The following PHACTR4 variants were observed in gnomAD, a reference collection of about 807,000 sequenced individuals.
PHACTR4 encodes phosphatase and actin regulator 4.
Under a neutral mutation model 72.7 loss-of-function variants are expected in PHACTR4, and 51 were observed. The observed-to-expected ratio is 0.70, with a 90% CI of 0.56 to 0.89. The LOEUF (loss-of-function observed/expected upper bound fraction) is 0.89, where lower values mean the gene tolerates loss of function less well. PHACTR4 is among the 40% of genes least tolerant of loss of function. The probability of loss-of-function intolerance (pLI) is 0.00; values close to 1 mark genes in which losing one functional copy is unlikely to be tolerated. For missense variants in PHACTR4, 731 were observed against 861.8 expected (o/e 0.85, Z 1.90); for synonymous variants, 255 against 302.5 (o/e 0.84, Z 1.63).
At chr1:28,472,601 AC>A (rs1280468253) in intron 6 of PHACTR4, among the ~76,000 whole-genome samples, 1 of 140,212 alleles carries the variant, frequency 7.1e-6, no homozygotes, top group African/African-American at 2.9e-5. Context: ...GTACTGTTAT[AC>A]AAAATAACTT....
At chr1:28,489,296 G>A in intron 10 of PHACTR4, 71 bp downstream of exon 10, 2 of 1,320,624 alleles carry the variant, frequency 1.5e-6, no homozygotes, top group South Asian at 1.3e-5. Flanking sequence ...ATACATAAAA[G>A]AAAAAAGAAG....
chr1:28,464,926 A>G (rs1570039076), intron 4 of PHACTR4, among the ~76,000 whole-genome samples: 1 of 151,424 alleles, frequency 6.6e-6, no homozygotes, highest in African/African-American at 2.4e-5. Flanking sequence ...CTGGTCTCGA[A>G]CTCTTGACCT....
intron 2 of PHACTR4, chr1:28,453,955 C>A: frequency 1.7e-6 from 1 of 601,462 alleles, no homozygotes. Context: ...GTGGCACACG[C>A]CCGTAATCTT....
chr1:28,422,144 C>A (rs1284524345), intron 2 of PHACTR4, among the ~76,000 whole-genome samples: 1 of 152,106 alleles, frequency 6.6e-6, no homozygotes, highest in Non-Finnish European at 1.5e-5. Flanking sequence ...GAATTTCCTG[C>A]CATGTTATTC....
intron 1 of PHACTR4, among the ~76,000 whole-genome samples, chr1:28,396,607 G>A (rs143606403): frequency 0.013 from 2,009 of 151,124 alleles, 31 homozygotes; most frequent in Middle Eastern, 0.062. Context: ...GCATCTGAAG[G>A]TCACTCTAGA....
intron 1 of PHACTR4, among the ~76,000 whole-genome samples, chr1:28,370,079 C>T (rs1651109946): frequency 6.6e-6 from 1 of 152,130 alleles, no homozygotes; most frequent in African/African-American, 2.4e-5. Context: ...CTCCGCCCCC[C>T]GAGACTTGGC....
intron 2 of PHACTR4, among the ~76,000 whole-genome samples, 179 bp downstream of exon 2, chr1:28,407,642 A>G (rs1242733534): frequency 6.6e-6 from 1 of 152,136 alleles, no homozygotes; most frequent in Non-Finnish European, 1.5e-5. Context: ...TAGAGTGCCA[A>G]TTACCTTTTG....
At chr1:28,381,918 C>T (rs1301987074) in intron 1 of PHACTR4, among the ~76,000 whole-genome samples, 3 of 152,126 alleles carry the variant, frequency 2.0e-5, no homozygotes, top group African/African-American at 7.2e-5. Context: ...GATGACTACA[C>T]CACCACGCCA....
intron 4 of PHACTR4, among the ~76,000 whole-genome samples, chr1:28,462,549 A>G (rs971482239): frequency 6.6e-6 from 1 of 151,594 alleles, no homozygotes; most frequent in Non-Finnish European, 1.5e-5. Flanking sequence ...TGTATTTTTA[A>G]TAGACAGGGT....
At chr1:28,466,300 A>C (rs1659162019) in intron 5 of PHACTR4, 82 bp from the exon 6 acceptor site, 2 of 1,459,456 alleles carry the variant, frequency 1.4e-6, no homozygotes, top group Admixed American at 4.3e-5. Context: ...GAAATTGGCC[A>C]CAAATTCATA....
Position 28,491,919 on chromosome 1 carries a change from C to G in PHACTR4, c.2016+132C>G, listed in dbSNP as rs41312014. The G allele has an allele frequency of 2.5e-3, 2,996 of 1,183,388 alleles. 9 individuals carry two copies. Among genetic ancestry groups the G allele is most frequent in the Non-Finnish European group, 3.2e-3 (2,760 of 872,598 alleles). The allele number at this position is 1,183,388 out of a possible 1,614,324, so 73.3% of individuals were successfully genotyped here. A position where few individuals can be genotyped will look rare whatever the true frequency, so the allele number is the denominator to read the frequency against. ...TTTAATATAATATTAAATTTCAAAT[C>G]AAGATACAAAATGCCAAGTTGAACA... On this transcript the variant is annotated intron_variant, in intron 12 of 13. Coordinates refer to ENST00000373839, the MANE Select transcript of PHACTR4 (RefSeq NM_001048183.3).
In PHACTR4 at chr1:28,460,276, G is replaced by T. The variant is rs763694229; in HGVS notation, c.255G>T (p.Leu85Phe). The T allele has an allele frequency of 6.2e-7, 1 of 1,613,286 alleles. No individual in the cohort carries two copies. The highest frequency in any genetic ancestry group is 8.5e-7 in the Non-Finnish European group (1 of 1,179,420). Residue 85 changes from leucine to phenylalanine, a missense_variant, in exon 4 of 14, where the codon TTG becomes TTT. By Grantham distance (22) the Leu-to-Phe change is conservative. This residue lies in a region of PHACTR4 where 621 missense variants were observed against 676.6 expected (regional missense o/e 0.92). Transcript: ENST00000373839. ...AGCTGGTTAAAAGAGGGGTTCTGTT[G>T]GAAGACCCTGAGCAAGGTGAGTTTA... The part of the protein sequence containing the change: ...REELVKRGVL[L>F]EDPEQGGEDP...
intron 2 of PHACTR4, among the ~76,000 whole-genome samples, chr1:28,426,951 A>G (rs1655906413): frequency 6.6e-6 from 1 of 152,190 alleles, no homozygotes; most frequent in African/African-American, 2.4e-5. Context: ...CCACTCTCCC[A>G]TGTGTAGTCA....
chr1:28,434,470 TACC>T (rs1175481687), intron 2 of PHACTR4, among the ~76,000 whole-genome samples: 2 of 151,970 alleles, frequency 1.3e-5, no homozygotes, highest in East Asian at 3.9e-4. Context: ...TACAGGCACG[TACC>T]ACCAAGCCCA....
At chr1:28,431,968 TG>T (rs1480027152) in intron 2 of PHACTR4, among the ~76,000 whole-genome samples, 1 of 151,992 alleles carries the variant, frequency 6.6e-6, no homozygotes, top group African/African-American at 2.4e-5. Context: ...CCCAGCACTT[TG>T]GGAGGCCGAA....
At chr1:28,485,494 G>A (rs1660579488) in intron 9 of PHACTR4, among the ~76,000 whole-genome samples, 2 of 151,950 alleles carry the variant, frequency 1.3e-5, no homozygotes, top group African/African-American at 4.8e-5. Context: ...GGCTGAGGCA[G>A]GAGAATTGCT....
chr1:28,499,476 G>GTTTTGT lies in PHACTR4; in HGVS notation c.*2931_*2936dup, dbSNP rs1553209252. ...GTTTGGTTTTGATTTGTTTTGTTTT[G>GTTTTGT]TTTTGTTTTGTTTTGTTTTTGGAGA... On this transcript the variant is annotated 3_prime_UTR_variant, in exon 14 of 14. Transcript: ENST00000373839. The GTTTTGT allele has an allele frequency of 1.3e-5, 2 of 152,164 alleles. No individual in the cohort carries two copies. The highest frequency in any genetic ancestry group is 4.8e-5 in the African/African-American group (2 of 41,270). 9.4% of individuals were successfully genotyped at this position (152,164 alleles called of 1,614,324 possible).
At chr1:28,453,431 GA>G (rs892365598) in intron 2 of PHACTR4, 1 of 283,946 alleles carries the variant, frequency 3.5e-6, no homozygotes, top group Non-Finnish European at 6.5e-6. Context: ...AAAACACAAG[GA>G]AAAGTTGAAT....
chr1:28,385,249 A>C (rs972149736), intron 1 of PHACTR4, among the ~76,000 whole-genome samples: 1 of 152,088 alleles, frequency 6.6e-6, no homozygotes, highest in Non-Finnish European at 1.5e-5. Context: ...TTATTTACTC[A>C]AAAGTCATTC....
Sources: allele counts gnomAD v4.1 joint callset (sites outside exome capture counted in the v4.1 genomes callset), GRCh38; gene constraint gnomAD v4.1.1; regional missense constraint gnomAD v4.1.1; transcripts MANE v1.5; gene names NCBI Gene and HGNC (gene_info 2026-07-23, HGNC 2026-07-21).